CNTLN: variants seen among roughly 807,000 people sequenced by gnomAD.
The protein encoded by CNTLN is centlein.
CNTLN carries 212 observed loss-of-function variants against 180.0 expected under a neutral mutation model. The ratio of observed to expected loss-of-function variants is 1.18; its 90% CI spans 1.05 to 1.32. CNTLN has a LOEUF of 1.32. Ranked by LOEUF, CNTLN falls within the 40% of genes most tolerant of loss-of-function variation. CNTLN has a pLI of 0.00. For synonymous variants in CNTLN, 722 were observed against 563.1 expected (o/e 1.28, Z -3.99); for missense variants, 2,095 against 1,610.9 (o/e 1.30, Z -5.14).
At chr9:17,250,926 T>G (rs1826100090) in intron 5 of CNTLN, among the ~76,000 whole-genome samples, 2 of 152,116 alleles carry the variant, frequency 1.3e-5, no homozygotes, top group South Asian at 4.1e-4. Flanking sequence ...TTTGCATTTC[T>G]TGTAGTGCAT....
chr9:17,225,223 A>G (rs1054620896), intron 2 of CNTLN, among the ~76,000 whole-genome samples: 1 of 151,880 alleles, frequency 6.6e-6, no homozygotes. Context: ...GCTTCATTTC[A>G]TGAGTTAGCA....
chr9:17,408,814 A>AC (rs1293658513), intron 15 of CNTLN, among the ~76,000 whole-genome samples: 5 of 150,784 alleles, frequency 3.3e-5, no homozygotes, highest in African/African-American at 9.8e-5. Flanking sequence ...AAAAAAAAAA[A>AC]GTGCCTGGGC....
At chr9:17,423,847 TTCTC>T (rs1047835138) in intron 18 of CNTLN, among the ~76,000 whole-genome samples, 2 of 152,208 alleles carry the variant, frequency 1.3e-5, no homozygotes, top group South Asian at 2.1e-4. Flanking sequence ...AGCACACAGA[TTCTC>T]TCTCGGCTCA....
intron 19 of CNTLN, among the ~76,000 whole-genome samples, 186 bp from the exon 20 acceptor site, chr9:17,462,730 G>A (rs951751244): frequency 6.6e-6 from 1 of 151,246 alleles, no homozygotes; most frequent in African/African-American, 2.4e-5. Context: ...TTATATAAAA[G>A]TTTTAGTATT....
intron 13 of CNTLN, among the ~76,000 whole-genome samples, chr9:17,376,294 T>C (rs1382838398): frequency 6.6e-6 from 1 of 152,106 alleles, no homozygotes; most frequent in Non-Finnish European, 1.5e-5. Flanking sequence ...ATTAATGACT[T>C]TATGTTTTTT....
At chr9:17,152,646 G>A (rs1412967164) in intron 2 of CNTLN, among the ~76,000 whole-genome samples, 1 of 152,134 alleles carries the variant, frequency 6.6e-6, no homozygotes, top group African/African-American at 2.4e-5. Flanking sequence ...GTTGATTTGG[G>A]GTAGAGAGTT....
chr9:17,302,689 T>C (rs1818457601), intron 7 of CNTLN, among the ~76,000 whole-genome samples: 1 of 152,204 alleles, frequency 6.6e-6, no homozygotes, highest in Non-Finnish European at 1.5e-5. Flanking sequence ...ATCATAATTG[T>C]ATTTTAAAAC....
intron 16 of CNTLN, among the ~76,000 whole-genome samples, chr9:17,413,066 C>T (rs372859443): frequency 2.0e-5 from 3 of 152,054 alleles, no homozygotes; most frequent in African/African-American, 4.8e-5. Context: ...CTGATGGCAC[C>T]GTACACCCGC....
intron 7 of CNTLN, among the ~76,000 whole-genome samples, chr9:17,306,660 A>G (rs980950046): frequency 6.6e-6 from 1 of 152,212 alleles, no homozygotes; most frequent in Non-Finnish European, 1.5e-5. Flanking sequence ...TCATGCCTGT[A>G]CCTTGGTCAT....
chr9:17,317,695 G>C (rs1484979577), intron 8 of CNTLN, among the ~76,000 whole-genome samples: 1 of 152,120 alleles, frequency 6.6e-6, no homozygotes, highest in African/African-American at 2.4e-5. Flanking sequence ...CATTAGAAAA[G>C]AAATATAGAA....
chr9:17,266,848 C>G (rs930608051), intron 5 of CNTLN, among the ~76,000 whole-genome samples: 2 of 152,130 alleles, frequency 1.3e-5, no homozygotes, highest in African/African-American at 2.4e-5. Flanking sequence ...TTATCAGAGA[C>G]TAGGATTGCA....
In CNTLN at chr9:17,502,895, C is replaced by A. The variant is rs1833827683; in HGVS notation, c.*243C>A. On this transcript the variant is annotated 3_prime_UTR_variant, in exon 26 of 26. Coordinates refer to ENST00000380647, the MANE Select transcript of CNTLN (RefSeq NM_017738.4). ...ATACAAATATTGCCACAAATCAGTGCAAACTTAAAAATGATTTTCCTTCTA... is the reference window on the plus strand; with the variant it reads ...ATACAAATATTGCCACAAATCAGTGAAAACTTAAAAATGATTTTCCTTCTA... 1 of 217,716 alleles carries A rather than the reference C, an allele frequency of 4.6e-6. No individual in the cohort carries two copies. The highest frequency in any genetic ancestry group is 2.3e-5 in the African/African-American group (1 of 44,016). 13.5% of individuals were successfully genotyped at this position (217,716 alleles called of 1,614,324 possible).
intron 5 of CNTLN, among the ~76,000 whole-genome samples, chr9:17,240,752 T>C (rs1207503657): frequency 3.9e-5 from 6 of 152,222 alleles, no homozygotes; most frequent in Non-Finnish European, 8.8e-5. Flanking sequence ...TAAGTTGATA[T>C]GATCCCATGT....
At chr9:17,145,778 A>G (rs975687077) in intron 2 of CNTLN, among the ~76,000 whole-genome samples, 1 of 152,196 alleles carries the variant, frequency 6.6e-6, no homozygotes, top group African/African-American at 2.4e-5. Context: ...CTAGGATGCC[A>G]GATTATCCGT....
chr9:17,510,676 C>A, the CNTLN span, among the ~76,000 whole-genome samples: 1 of 152,202 alleles, frequency 6.6e-6, no homozygotes, highest in Non-Finnish European at 1.5e-5. Flanking sequence ...GGGTCTCCAG[C>A]CTGCCTGCCC....
intron 2 of CNTLN, among the ~76,000 whole-genome samples, chr9:17,201,722 C>G (rs1005431713): frequency 3.3e-5 from 5 of 151,868 alleles, no homozygotes; most frequent in Non-Finnish European, 7.4e-5. Context: ...ATTCTTCTCT[C>G]TTTTGTTCTT....
At chr9:17,418,546 A>G (rs1828446493) in intron 18 of CNTLN, among the ~76,000 whole-genome samples, 1 of 151,980 alleles carries the variant, frequency 6.6e-6, no homozygotes, top group Non-Finnish European at 1.5e-5. Flanking sequence ...TTTCTGTGAT[A>G]TTTTTAATAA....
At chr9:17,259,129 T>C (rs1253765482) in intron 5 of CNTLN, among the ~76,000 whole-genome samples, 1 of 144,724 alleles carries the variant, frequency 6.9e-6, no homozygotes, top group African/African-American at 2.7e-5. Flanking sequence ...ATAGCTCTTA[T>C]TATTTTGAAA....
intron 12 of CNTLN, among the ~76,000 whole-genome samples, chr9:17,357,579 C>CATATAT (rs370275927): frequency 1.3e-4 from 16 of 120,918 alleles, no homozygotes; most frequent in African/African-American, 4.4e-4. Flanking sequence ...ATAAATACTA[C>CATATAT]ATATATATAT....
Sources: allele counts gnomAD v4.1 joint callset (sites outside exome capture counted in the v4.1 genomes callset), GRCh38; gene constraint gnomAD v4.1.1; transcripts MANE v1.5; gene names NCBI Gene and HGNC (gene_info 2026-07-23, HGNC 2026-07-21).